RBM41: variants seen among roughly 807,000 people sequenced by gnomAD.
The protein encoded by RBM41 is RNA binding motif protein 41, also known as RNA-binding protein 41.
In RBM41, 14 loss-of-function variants were observed where a neutral mutation model predicts 30.8. The observed-to-expected ratio is 0.45, with a 90% CI of 0.30 to 0.71. The LOEUF (loss-of-function observed/expected upper bound fraction) is 0.71. Among genes scored for constraint, RBM41 ranks in the 30% least tolerant of loss-of-function variants. RBM41 has a pLI of 0.08. For missense variants in RBM41, 276 were observed against 326.3 expected (o/e 0.85, Z 1.19); for synonymous variants, 120 against 110.1 (o/e 1.09, Z -0.56).
chrX:107,078,190 T>C (rs745976830), intron 6 of RBM41, among the ~76,000 whole-genome samples: 45 of 111,517 alleles, frequency 4.0e-4, no homozygotes, highest in Non-Finnish European at 7.9e-4. Flanking sequence ...ACTATTGGTG[T>C]TGGCCTTAAT....
At position 107,066,942 on chromosome X, in the gene RBM41, AAAT is replaced by A. The variant is rs759792596; in HGVS notation, c.*582_*584del. On this transcript the variant is annotated 3_prime_UTR_variant, in exon 8 of 8. Coordinates refer to ENST00000685964, the MANE Select transcript of RBM41 (RefSeq NM_001324242.2). ...TTTGATCTAAAATATTTCACTAGAA[AAAT>A]ATATAGCTTTTTGAAGACTGATAAC... 1.8e-4 allele frequency: 138 copies of A among 748,200 alleles called. No homozygotes were observed. In the African/African-American group the frequency reaches 2.9e-3, roughly 16 times the overall value. The allele number at this position is 748,200 out of a possible 1,213,427, so 61.7% of individuals were successfully genotyped here.
At chrX:107,095,188 AG>A (rs1369998154) in intron 5 of RBM41, among the ~76,000 whole-genome samples, 4 of 110,792 alleles carry the variant, frequency 3.6e-5, no homozygotes, top group Non-Finnish European at 1.9e-5. Flanking sequence ...CTGGAAAGAA[AG>A]AAGTGTCTTT....
chrX:107,054,675 G>A, the RBM41 span, among the ~76,000 whole-genome samples: 8 of 112,158 alleles, frequency 7.1e-5, no homozygotes, highest in South Asian at 3.0e-3. Context: ...GGATAAGCCA[G>A]TGTAGGCTGG....
intron 6 of RBM41, among the ~76,000 whole-genome samples, chrX:107,076,588 G>A (rs1012899742): frequency 5.4e-5 from 6 of 110,619 alleles, no homozygotes; most frequent in South Asian, 7.7e-4. Flanking sequence ...GTTGCTGTTC[G>A]ACAGGTATAA....
At chrX:107,085,282 A>G (rs1921934690) in intron 6 of RBM41, among the ~76,000 whole-genome samples, 1 of 97,488 alleles carries the variant, frequency 1.0e-5, no homozygotes, top group Non-Finnish European at 2.1e-5. Context: ...TTTTTGAGAC[A>G]GAGTCTCGCT....
chrX:107,084,864 T>G (rs1275114448), intron 6 of RBM41, among the ~76,000 whole-genome samples: 1 of 112,405 alleles, frequency 8.9e-6, no homozygotes, highest in Non-Finnish European at 1.9e-5. Flanking sequence ...AGTGATGACT[T>G]CTAAGGACTT....
intron 5 of RBM41, among the ~76,000 whole-genome samples, chrX:107,106,130 G>A (rs752347451): frequency 9.0e-6 from 1 of 111,648 alleles, no homozygotes; most frequent in Non-Finnish European, 1.9e-5. Flanking sequence ...CTGACAAAGG[G>A]CTAATATCCA....
intron 6 of RBM41, among the ~76,000 whole-genome samples, chrX:107,087,743 A>G (rs6616626): frequency 0.16 from 17,190 of 110,877 alleles, 1,235 homozygotes; most frequent in East Asian, 0.46. Context: ...AGCTGGGATT[A>G]CAGGCACACA....
chrX:107,069,560 T>C (rs1315734884), intron 6 of RBM41, 158 bp from the exon 7 acceptor site: 2 of 490,538 alleles, frequency 4.1e-6, no homozygotes, highest in Non-Finnish European at 6.1e-6. Flanking sequence ...GCTCAAGTGA[T>C]TCTCATGCCT....
intron 5 of RBM41, among the ~76,000 whole-genome samples, chrX:107,098,913 AC>A: frequency 9.1e-6 from 1 of 110,234 alleles, no homozygotes; most frequent in East Asian, 2.9e-4. Context: ...AGGCATGAGA[AC>A]TGCTTGAACC....
chrX:107,079,636 GTTT>G (rs1415780015), intron 6 of RBM41, among the ~76,000 whole-genome samples: 6 of 111,797 alleles, frequency 5.4e-5, no homozygotes, highest in Non-Finnish European at 9.4e-5. Flanking sequence ...TCCTAAATGA[GTTT>G]TTAACATTTG....
chrX:107,058,677 G>A (rs1185447751), downstream of RBM41, among the ~76,000 whole-genome samples: 1 of 111,772 alleles, frequency 8.9e-6, no homozygotes, highest in Non-Finnish European at 1.9e-5. Flanking sequence ...TAAGTAGGTG[G>A]TAGATTTGTA....
intron 5 of RBM41, among the ~76,000 whole-genome samples, chrX:107,094,365 G>A (rs1408055510): frequency 8.9e-6 from 1 of 112,069 alleles, no homozygotes; most frequent in East Asian, 2.8e-4. Context: ...ACACATAAGT[G>A]GGATTTATCC....
At chrX:107,053,543 T>C in the RBM41 span, among the ~76,000 whole-genome samples, 1 of 112,845 alleles carries the variant, frequency 8.9e-6, no homozygotes, top group African/African-American at 3.2e-5. Flanking sequence ...GGGATTGAAA[T>C]GTATGGCCTG....
At chrX:107,106,108 C>T (rs1923953977) in intron 5 of RBM41, among the ~76,000 whole-genome samples, 1 of 111,268 alleles carries the variant, frequency 9.0e-6, no homozygotes, top group African/African-American at 3.3e-5. Context: ...AAAATTTTTG[C>T]AATCTACTCA....
At position 107,069,207 on chromosome X, in the gene RBM41, T is replaced by C. The variant is rs1338403517; in HGVS notation, c.1147+48A>G. ...AATTAGAGAGGTTATAGGTAATCTC[T>C]AGCGAACTGAGGGGCAACTGAGTAA... On this transcript the variant is annotated intron_variant, in intron 7 of 7. Coordinates refer to ENST00000685964, the MANE Select transcript of RBM41 (RefSeq NM_001324242.2). 3.7e-6 allele frequency: 4 copies of C among 1,082,934 alleles called. No individual in the cohort carries two copies. In the East Asian group the frequency reaches 9.1e-5, roughly 25 times the overall value. 89.2% of individuals were successfully genotyped at this position (1,082,934 alleles called of 1,213,427 possible).
intron 6 of RBM41, among the ~76,000 whole-genome samples, chrX:107,079,733 T>C (rs905427950): frequency 9.0e-6 from 1 of 111,489 alleles, no homozygotes; most frequent in East Asian, 2.8e-4. Flanking sequence ...TACAGTATTA[T>C]ACAGAATAAT....
chrX:107,098,802 A>C (rs1464969197), intron 5 of RBM41, among the ~76,000 whole-genome samples: 1 of 111,256 alleles, frequency 9.0e-6, no homozygotes, highest in Non-Finnish European at 1.9e-5. Context: ...GGAGTTCGAG[A>C]CCAGCCTGGC....
chrX:107,110,850 A>T (rs902755574), intron 5 of RBM41, among the ~76,000 whole-genome samples: 2 of 111,274 alleles, frequency 1.8e-5, no homozygotes, highest in African/African-American at 6.5e-5. Flanking sequence ...TCAACATGAA[A>T]ATAATAAAGC....
Sources: gnomAD v4.1 joint callset for allele counts (sites outside exome capture counted in the v4.1 genomes callset) on GRCh38, gnomAD v4.1.1 for gene constraint, MANE v1.5 for transcripts, NCBI Gene and HGNC (gene_info 2026-07-23, HGNC 2026-07-21) for gene names.